Variants in HDAC7 observed in about 807,000 individuals in gnomAD.
The protein encoded by HDAC7 is histone deacetylase 7A.
Under a neutral mutation model 115.5 loss-of-function variants are expected in HDAC7, and 26 were observed. The observed-to-expected ratio is 0.23, with a 90% CI of 0.16 to 0.31. HDAC7 has a LOEUF of 0.31. Ranked by LOEUF, HDAC7 falls within the 10% of genes least tolerant of loss-of-function variation. The probability of loss-of-function intolerance (pLI) is 1.00; values close to 1 mark genes in which losing one functional copy is unlikely to be tolerated. For synonymous variants in HDAC7, 564 were observed against 550.9 expected (o/e 1.02, Z -0.33); for missense variants, 1,068 against 1,329.0 (o/e 0.80, Z 3.05).
chr12:47,800,238 C>G (rs1181733767), intron 2 of HDAC7, among the ~76,000 whole-genome samples: 1 of 152,174 alleles, frequency 6.6e-6, no homozygotes, highest in East Asian at 1.9e-4. Context: ...AGGGCCCTGT[C>G]CAAAGTCACC....
intron 16 of HDAC7, 149 bp downstream of exon 16, chr12:47,791,110 G>A (rs1295875077): frequency 1.3e-6 from 1 of 749,450 alleles, no homozygotes; most frequent in Non-Finnish European, 2.3e-6. Context: ...GCTTCCTGCT[G>A]CAGGGGGCAC....
rs921692625 is a variant in HDAC7, at chr12:47,784,188, C to T, written c.2821G>A (p.Ala941Thr). The T allele has an allele frequency of 6.2e-7, 1 of 1,612,638 alleles. No homozygotes were observed. The highest frequency in any genetic ancestry group is 8.5e-7 in the Non-Finnish European group (1 of 1,179,510). ...SKYWGCMQRLASCPDSWVPRV... is the reference protein window; with the variant it reads ...SKYWGCMQRLTSCPDSWVPRV... ...GGCACCCAGGAGTCTGGACAGGAGG[C>T]CAGGCGCTGCATGCAGCCCCAGTAT... The change falls in exon 25 of 26, where the codon GCC becomes ACC. Residue 941 changes from alanine to threonine, a missense_variant. By Grantham distance (58) the Ala-to-Thr change is moderately conservative. Around this residue, in one of 6 missense-constraint regions of HDAC7, gnomAD observed 98 missense variants for 123.9 expected, o/e 0.79. Transcript: ENST00000080059.
chr12:47,816,657 G>A (rs1944857833), intron 1 of HDAC7, among the ~76,000 whole-genome samples: 1 of 152,222 alleles, frequency 6.6e-6, no homozygotes, highest in Non-Finnish European at 1.5e-5. Context: ...GACCAAAGGA[G>A]CTATGCTCTG....
chr12:47,814,697 C>T (rs890855048), intron 1 of HDAC7, among the ~76,000 whole-genome samples: 1 of 152,214 alleles, frequency 6.6e-6, no homozygotes, highest in African/African-American at 2.4e-5. Flanking sequence ...GCTGGCAATT[C>T]AGCTCCAACC....
At chr12:47,804,270 GC>G (rs1174952332) in intron 1 of HDAC7, among the ~76,000 whole-genome samples, 1 of 152,192 alleles carries the variant, frequency 6.6e-6, no homozygotes, top group Non-Finnish European at 1.5e-5. Context: ...AAAAAGTTCT[GC>G]TTTTCCCCCG....
At chr12:47,784,409 A>C in intron 24 of HDAC7, 192 bp from the exon 25 acceptor site, 3 of 643,520 alleles carry the variant, frequency 4.7e-6, no homozygotes, top group Non-Finnish European at 7.9e-6. Flanking sequence ...CTGACAGGGT[A>C]CACAGAGTGG....
At chr12:47,791,821 C>CCCAAA in intron 14 of HDAC7, 50 bp downstream of exon 14, 1 of 1,540,828 alleles carries the variant, frequency 6.5e-7, no homozygotes, top group Non-Finnish European at 8.9e-7. Context: ...CCTCCCCTCC[C>CCCAAA]ATGACTCCTC....
chr12:47,819,798 G>T lies in HDAC7; in HGVS notation c.-13C>A. ...CGGGGCTGTGCATCCAGGGGCCGGGGCCCTCAGAGCGGGGGGCTCATGGCG... is the reference window on the plus strand; with the variant it reads ...CGGGGCTGTGCATCCAGGGGCCGGGTCCCTCAGAGCGGGGGGCTCATGGCG... On this transcript the variant is annotated 5_prime_UTR_variant, in exon 1 of 26. Transcript: ENST00000080059. 2 of 393,522 alleles carry T rather than the reference G, an allele frequency of 5.1e-6. No homozygotes were observed. The highest frequency in any genetic ancestry group is 6.9e-6 in the Non-Finnish European group (2 of 291,642). The allele number at this position is 393,522 out of a possible 1,614,324, so 24.4% of individuals were successfully genotyped here. A position where few individuals can be genotyped will look rare whatever the true frequency, so the allele number is the denominator to read the frequency against.
At chr12:47,804,825 T>C (rs1944325456) in intron 1 of HDAC7, among the ~76,000 whole-genome samples, 2 of 152,026 alleles carry the variant, frequency 1.3e-5, no homozygotes, top group Admixed American at 1.3e-4. Flanking sequence ...ACAAACACAA[T>C]TCTAAGCACC....
intron 2 of HDAC7, among the ~76,000 whole-genome samples, chr12:47,801,463 AT>A (rs1439532592): frequency 6.6e-6 from 1 of 151,398 alleles, no homozygotes; most frequent in African/African-American, 2.5e-5. Context: ...TGGTCACATT[AT>A]TGCATTCTAT....
chr12:47,810,003 G>A (rs1229191466), intron 1 of HDAC7, among the ~76,000 whole-genome samples: 1 of 151,918 alleles, frequency 6.6e-6, no homozygotes, highest in Non-Finnish European at 1.5e-5. Context: ...CTGGAGTGCA[G>A]TGGCACAATC....
chr12:47,788,038 C>A lies in HDAC7; in HGVS notation c.2355+7G>T. The A allele has an allele frequency of 6.2e-7, 1 of 1,607,416 alleles. No individual in the cohort carries two copies. The highest frequency in any genetic ancestry group is 8.5e-7 in the Non-Finnish European group (1 of 1,176,358). On this transcript the variant is annotated splice_region_variant and intron_variant, in intron 20 of 25. Coordinates refer to ENST00000080059, the MANE Select transcript of HDAC7 (RefSeq NM_015401.5). ...GGCTGGAAGATGTGGCCCTGACATG[C>A]GGTTACCTCATCCACAGCCCCACTC...
rs942740793 is a variant in HDAC7 at position 47,802,443 on chromosome 12, G to A, written c.20-169C>T. Reference sequence around the variant, plus strand: ...AAAACGAGAAGACCCCACCCCATTCGACTCCTCCAGTCCCCCTGCTGGTGA... The same window carrying A: ...AAAACGAGAAGACCCCACCCCATTCAACTCCTCCAGTCCCCCTGCTGGTGA... On this transcript the variant is annotated intron_variant, in intron 1 of 25. Coordinates refer to ENST00000080059, the MANE Select transcript of HDAC7 (RefSeq NM_015401.5). 16 of 1,550,212 alleles carry A rather than the reference G, an allele frequency of 1.0e-5. No homozygotes were observed. The African/African-American group carries it at 1.6e-4, about 16-fold the overall frequency.
At position 47,791,852 on chromosome 12, in the gene HDAC7, C is replaced by T. The variant is rs1209227101; in HGVS notation, c.1812+19G>A. The T allele has an allele frequency of 5.0e-6, 8 of 1,608,050 alleles. No individual in the cohort carries two copies. In the Admixed American group the frequency reaches 1.2e-4, roughly 24 times the overall value. On this transcript the variant is annotated intron_variant, in intron 14 of 25. Coordinates refer to ENST00000080059, the MANE Select transcript of HDAC7 (RefSeq NM_015401.5). The stretch of plus-strand genomic sequence containing the variant: ...TCCTCCCTCCACCCATTCCTCGGGC[C>T]CCACCCGCGCCTCCTCACCTCACAC...
chr12:47,783,592 T>C lies in HDAC7; in HGVS notation c.*249A>G. On this transcript the variant is annotated 3_prime_UTR_variant, in exon 26 of 26. Transcript: ENST00000080059. ...CCAGGGCCCATACTGGAGGGGAGAA[T>C]CTGTTCTCGAGAGCCCTGTGGGGGT... 1.8e-6 allele frequency: 1 copy of C among 540,658 alleles called. No individual in the cohort carries two copies. The highest frequency in any genetic ancestry group is 3.3e-6 in the Non-Finnish European group (1 of 299,692). 33.5% of individuals were successfully genotyped at this position (540,658 alleles called of 1,614,324 possible).
Position 47,797,585 on chromosome 12 carries a change from G to T in HDAC7, c.462-86C>A. ...GAGCACGGGCCCTGGGACCTGAGGG[G>T]GAGGCTGCAGCGGGCAGGGCTGGGC... On this transcript the variant is annotated intron_variant, in intron 5 of 25. Transcript: ENST00000080059. This position sits in a 1 kb window ranked among gnomAD's most constrained non-coding sequence, Gnocchi z 5.5. 1 of 998,780 alleles carries T rather than the reference G, an allele frequency of 1.0e-6. No individual in the cohort carries two copies. Among genetic ancestry groups the T allele is most frequent in the Non-Finnish European group, 1.5e-6 (1 of 669,528 alleles). The allele number at this position is 998,780 out of a possible 1,614,324, so 61.9% of individuals were successfully genotyped here. A position where few individuals can be genotyped will look rare whatever the true frequency, so the allele number is the denominator to read the frequency against.
chr12:47,807,493 G>T (rs575394496), intron 1 of HDAC7, among the ~76,000 whole-genome samples: 1 of 152,236 alleles, frequency 6.6e-6, no homozygotes, highest in Admixed American at 6.5e-5. Flanking sequence ...GGCAGAGGTT[G>T]AGCTGGGACT....
intron 2 of HDAC7, among the ~76,000 whole-genome samples, chr12:47,801,473 ATTT>A (rs59511988): frequency 6.6e-6 from 1 of 151,530 alleles, no homozygotes; most frequent in Non-Finnish European, 1.5e-5. Context: ...ATTGCATTCT[ATTT>A]TTTTTCGCTT....
At chr12:47,791,483 G>C in intron 15 of HDAC7, 103 bp downstream of exon 15, 1 of 1,472,024 alleles carries the variant, frequency 6.8e-7, no homozygotes, top group Non-Finnish European at 9.2e-7. Context: ...GGGACGTCCA[G>C]GGTGCAGGAG....
Sources: allele counts gnomAD v4.1 joint callset (sites outside exome capture counted in the v4.1 genomes callset), GRCh38; gene constraint gnomAD v4.1.1; regional missense constraint gnomAD v4.1.1; non-coding constraint Gnocchi (gnomAD v3.1); transcripts MANE v1.5; gene names NCBI Gene and HGNC (gene_info 2026-07-23, HGNC 2026-07-21).